SGCZ: variants seen among roughly 807,000 people sequenced by gnomAD.
SGCZ encodes zeta-sarcoglycan.
SGCZ carries 40 observed loss-of-function variants against 41.3 expected under a neutral mutation model. The observed-to-expected ratio is 0.97, with a 90% CI of 0.75 to 1.26. The LOEUF is 1.26. Ranked by LOEUF, SGCZ falls within the 50% of genes most tolerant of loss-of-function variation. The pLI, the probability that SGCZ is intolerant of heterozygous loss-of-function variation, is 0.00. For synonymous variants in SGCZ, 206 were observed against 137.5 expected (o/e 1.50, Z -3.49); for missense variants, 552 against 369.8 (o/e 1.49, Z -4.04).
chr8:14,610,005 G>A (rs1392646923), intron 1 of SGCZ, among the ~76,000 whole-genome samples: 2 of 152,104 alleles, frequency 1.3e-5, no homozygotes, highest in Non-Finnish European at 2.9e-5. Flanking sequence ...CTGTTCACGA[G>A]GGAGATTTCA....
chr8:14,527,008 G>A (rs1323062688), intron 2 of SGCZ, among the ~76,000 whole-genome samples: 1 of 151,966 alleles, frequency 6.6e-6, no homozygotes. Context: ...ATATTGAGTC[G>A]CTTTCTCAAT....
intron 3 of SGCZ, among the ~76,000 whole-genome samples, chr8:14,244,506 C>T (rs1047183972): frequency 1.9e-4 from 29 of 152,118 alleles, no homozygotes; most frequent in Non-Finnish European, 3.1e-4. Context: ...CCTTGTAGTA[C>T]AGTTTGAAGT....
At chr8:15,043,791 T>TTTTCTAAATA (rs1477150176) in intron 1 of SGCZ, among the ~76,000 whole-genome samples, 4 of 152,144 alleles carry the variant, frequency 2.6e-5, no homozygotes. Flanking sequence ...TTTAGAATCA[T>TTTTCTAAATA]TTTCTAAACG....
At chr8:15,095,056 T>G (rs537396470) in intron 1 of SGCZ, among the ~76,000 whole-genome samples, 1 of 152,332 alleles carries the variant, frequency 6.6e-6, no homozygotes, top group East Asian at 1.9e-4. Flanking sequence ...AGGAAAAATT[T>G]TAATGCTTCT....
chr8:14,849,302 C>G (rs1222263598), intron 1 of SGCZ, among the ~76,000 whole-genome samples: 2 of 151,924 alleles, frequency 1.3e-5, no homozygotes, highest in East Asian at 3.9e-4. Flanking sequence ...ATACAGCAAC[C>G]ATATGATCCA....
chr8:14,552,683 T>C (rs909555960), intron 2 of SGCZ, among the ~76,000 whole-genome samples: 2 of 152,058 alleles, frequency 1.3e-5, no homozygotes, highest in African/African-American at 4.8e-5. Flanking sequence ...ATGAGGATCC[T>C]GAGGACACAG....
chr8:14,742,494 G>C (rs1014358746), intron 1 of SGCZ, among the ~76,000 whole-genome samples: 1 of 152,028 alleles, frequency 6.6e-6, no homozygotes, highest in African/African-American at 2.4e-5. Context: ...ACAATTTGGA[G>C]AAATCAAGTC....
At chr8:14,436,875 T>C (rs2117354813) in intron 2 of SGCZ, among the ~76,000 whole-genome samples, 1 of 152,294 alleles carries the variant, frequency 6.6e-6, no homozygotes, top group South Asian at 2.1e-4. Flanking sequence ...ATATGGTTAT[T>C]CAGGCTTGGG....
intron 1 of SGCZ, among the ~76,000 whole-genome samples, chr8:14,710,779 TGTAAAATA>T (rs1809491054): frequency 6.6e-6 from 1 of 152,198 alleles, no homozygotes; most frequent in African/African-American, 2.4e-5. Flanking sequence ...TATTTTTAAG[TGTAAAATA>T]GTACTTGGAA....
At chr8:14,342,588 T>A (rs946446631) in intron 2 of SGCZ, among the ~76,000 whole-genome samples, 5 of 152,126 alleles carry the variant, frequency 3.3e-5, no homozygotes, top group African/African-American at 1.2e-4. Context: ...GTGCTGGGAT[T>A]ACAGGCGTGA....
intron 1 of SGCZ, among the ~76,000 whole-genome samples, chr8:14,770,581 G>T (rs1443818269): frequency 6.6e-6 from 1 of 151,850 alleles, no homozygotes; most frequent in Non-Finnish European, 1.5e-5. Context: ...ATACATATAT[G>T]GTGTTTTTAT....
rs1247877837 is a variant in SGCZ at position 14,427,215 on chromosome 8, G to A, written c.235-103011C>T. 5.3e-5 allele frequency among the ~76,000 whole-genome samples: 8 copies of A among 152,096 alleles called. No homozygotes were observed. In the East Asian group the frequency reaches 1.2e-3, roughly 22 times the overall value. On this transcript the variant is annotated intron_variant, in intron 2 of 7. Coordinates refer to ENST00000382080, the MANE Select transcript of SGCZ (RefSeq NM_139167.4). ...CCTAATATAGGATAAAGAGGTTCAG[G>A]AAAAATAACTAATGACTACTAGCCT...
intron 1 of SGCZ, among the ~76,000 whole-genome samples, chr8:15,181,875 G>GA (rs1424435433): frequency 2.6e-5 from 4 of 152,092 alleles, no homozygotes; most frequent in Non-Finnish European, 4.4e-5. Context: ...TTGGGGAGGT[G>GA]AACTTTTCCT....
chr8:15,211,803 A>AT (rs1801244847), intron 1 of SGCZ, among the ~76,000 whole-genome samples: 1 of 152,086 alleles, frequency 6.6e-6, no homozygotes, highest in African/African-American at 2.4e-5. Context: ...AAACAGACTG[A>AT]TTTTTTAGTA....
At chr8:14,309,054 A>G in intron 3 of SGCZ, 1 of 1,370,048 alleles carries the variant, frequency 7.3e-7, no homozygotes, top group Non-Finnish European at 1.0e-6. Flanking sequence ...CCTACTCTTA[A>G]TTCCCCAACT....
chr8:14,516,982 T>C (rs894291145), intron 2 of SGCZ, among the ~76,000 whole-genome samples: 48 of 152,006 alleles, frequency 3.2e-4, no homozygotes, highest in African/African-American at 1.1e-3. Context: ...AGAAAATAGA[T>C]ACAAGGGTGG....
At chr8:14,911,248 A>C (rs1799273085) in intron 1 of SGCZ, among the ~76,000 whole-genome samples, 1 of 152,032 alleles carries the variant, frequency 6.6e-6, no homozygotes, top group South Asian at 2.1e-4. Context: ...ATTAGAACCT[A>C]ATGACTCACA....
At chr8:14,608,631 A>G (rs188998274) in intron 1 of SGCZ, among the ~76,000 whole-genome samples, 1,027 of 92,748 alleles carry the variant, frequency 0.011, 9 homozygotes, top group South Asian at 0.018. Flanking sequence ...GTCTTTCTCA[A>G]TGGTCATCGA....
At chr8:14,278,455 C>A (rs1245724433) in intron 3 of SGCZ, among the ~76,000 whole-genome samples, 2 of 152,078 alleles carry the variant, frequency 1.3e-5, no homozygotes, top group Non-Finnish European at 2.9e-5. Context: ...AGCAAAGTGA[C>A]CTCAATGGAA....
Sources: gnomAD v4.1 joint callset for allele counts (sites outside exome capture counted in the v4.1 genomes callset) on GRCh38, gnomAD v4.1.1 for gene constraint, MANE v1.5 for transcripts, NCBI Gene and HGNC (gene_info 2026-07-23, HGNC 2026-07-21) for gene names.